ZDHHC8: variants seen among roughly 807,000 people sequenced by gnomAD.
The protein encoded by ZDHHC8 is zDHHC palmitoyltransferase 8.
ZDHHC8 carries 24 observed loss-of-function variants against 61.2 expected under a neutral mutation model. The observed-to-expected ratio is 0.39, with a 90% CI of 0.28 to 0.55. ZDHHC8 has a LOEUF of 0.55. Ranked by LOEUF, ZDHHC8 falls within the 20% of genes least tolerant of loss-of-function variation. The pLI is 0.60. For synonymous variants in ZDHHC8, 523 were observed against 492.5 expected, an observed-to-expected ratio of 1.06 and a Z score of -0.82; for missense variants, 935 against 1,102.1, an observed-to-expected ratio of 0.85 and a Z score of 2.15.
In ZDHHC8 at chr22:20,139,897, C is replaced by A; in HGVS notation, c.557+5C>A. The A allele has an allele frequency of 6.5e-7, 1 of 1,540,662 alleles. No homozygotes were observed. The highest frequency in any genetic ancestry group is 8.8e-7 in the Non-Finnish European group (1 of 1,135,632). On this transcript the variant is annotated splice_donor_5th_base_variant and intron_variant, in intron 4 of 10. Transcript: ENST00000334554. ...AGCCGCGCACACCACCATCACGTAT[C>A]CTTGGTTCCTGTGGGCCTCATTGCA...
intron 9 of ZDHHC8, among the ~76,000 whole-genome samples, chr22:20,141,788 G>C (rs767528170): frequency 1.3e-5 from 2 of 152,182 alleles, no homozygotes; most frequent in African/African-American, 4.8e-5. Flanking sequence ...AGGGGCTGGC[G>C]TGGGCCATCC....
chr22:20,139,062 G>T (rs564806946), intron 1 of ZDHHC8, 132 bp from the exon 2 acceptor site: 1 of 1,360,110 alleles, frequency 7.4e-7, no homozygotes, highest in Non-Finnish European at 9.9e-7. Context: ...TGGCAGGGCT[G>T]TGGCAGCCTC....
At chr22:20,140,742 C>T in intron 6 of ZDHHC8, 34 bp downstream of exon 6, 1 of 1,600,758 alleles carries the variant, frequency 6.2e-7, no homozygotes, top group Non-Finnish European at 8.5e-7. Flanking sequence ...GGAGGGGGGC[C>T]TCTGCTGGGT....
chr22:20,139,598 G>A lies in ZDHHC8; in HGVS notation c.347G>A (p.Arg116His), dbSNP rs1318044079. 6 of 1,613,052 alleles carry A rather than the reference G, an allele frequency of 3.7e-6. No homozygotes were observed. Among genetic ancestry groups the A allele is most frequent in the Non-Finnish European group, 3.4e-6 (4 of 1,180,016 alleles). Residue 116 changes from arginine (R) to histidine (H), a missense_variant, in exon 3 of 11, where the codon CGC becomes CAC. Physicochemically the swap from Arg to His is conservative, Grantham distance 29. This residue lies in a region of ZDHHC8 where 199 missense variants were observed against 334.0 expected (regional missense o/e 0.60). Transcript: ENST00000334554. ...ACGTGCCACTTCTACCGCCCGCCGC[G>A]CTGCTCCCACTGCAGCGTCTGTGAC... is the stretch of plus-strand genomic sequence containing the variant. ...CATCHFYRPP[R>H]CSHCSVCDNC... is the part of the protein sequence containing the mutation.
intron 1 of ZDHHC8, among the ~76,000 whole-genome samples, chr22:20,136,611 G>T (rs570562391): frequency 6.6e-6 from 1 of 152,208 alleles, no homozygotes; most frequent in Non-Finnish European, 1.5e-5. Context: ...GTGTTCACGC[G>T]TGTTCACACA....
In ZDHHC8 at chr22:20,140,119, G is replaced by T. The variant is rs1471658409; in HGVS notation, c.562G>T (p.Ala188Ser). 2 of 1,613,704 alleles carry T rather than the reference G, an allele frequency of 1.2e-6. No individual in the cohort carries two copies. Among genetic ancestry groups the T allele is most frequent in the East Asian group, 2.2e-5 (1 of 44,892 alleles). ...LGAAHTTITMAVMCVAGLFFI... is the reference protein window; with the variant it reads ...LGAAHTTITMSVMCVAGLFFI... ...CCGTTGGCCTTAACGGGCTAGCATG[G>T]CTGTCATGTGTGTGGCCGGCCTCTT... Residue 188 changes from alanine to serine, a missense_variant, in exon 5 of 11, where the codon GCT (alanine) becomes TCT (serine). Around this residue, in one of 3 missense-constraint regions of ZDHHC8, gnomAD observed 199 missense variants for 334.0 expected, o/e 0.60. Coordinates refer to ENST00000334554, the MANE Select transcript of ZDHHC8 (RefSeq NM_013373.4).
chr22:20,140,446 T>C, intron 5 of ZDHHC8, 171 bp from the exon 6 acceptor site: 1 of 821,558 alleles, frequency 1.2e-6, no homozygotes, highest in Non-Finnish European at 1.9e-6. Context: ...CACAGCTCCC[T>C]GCAAGTTCAG....
chr22:20,145,296 G>A lies in ZDHHC8; in HGVS notation c.2194G>A (p.Gly732Arg). 1 of 1,591,052 alleles carries A rather than the reference G, an allele frequency of 6.3e-7. No homozygotes were observed. Among genetic ancestry groups the A allele is most frequent in the South Asian group, 1.1e-5 (1 of 89,156 alleles). Residue 732 changes from glycine (G) to arginine (R), a missense_variant, in exon 11 of 11, where the codon GGA becomes AGA. Transcript: ENST00000334554. The stretch of plus-strand genomic sequence containing the variant: ...GCAGTCCCCGGGCCTGGCCCGGCTG[G>A]GACCTGCCACCGGCCCCCCAGGGCC... Reference protein sequence around the residue: ...NGQSPGLARLGPATGPPGPSA... With the variant: ...NGQSPGLARLRPATGPPGPSA...
At position 20,141,525 on chromosome 22, in the gene ZDHHC8, G is replaced by A. The variant is rs376208561; in HGVS notation, c.1120G>A (p.Glu374Lys). 6.2e-7 allele frequency: 1 copy of A among 1,611,028 alleles called. No individual in the cohort carries two copies. The change falls in exon 9 of 11, where the codon GAG becomes AAG. Residue 374 changes from glutamate (E) to lysine (K), a missense_variant. Glu to Lys is a moderately conservative substitution (Grantham distance 56). Transcript: ENST00000334554. ...CAAGGTGCCCTTCTGTGGACCAGGCGAGCAGGTAAGGAGGCCTAGCCTGCC... is the reference window on the plus strand; with the variant it reads ...CAAGGTGCCCTTCTGTGGACCAGGCAAGCAGGTAAGGAGGCCTAGCCTGCC... ...GPKVPFCGPGEQVPGPDSLTL... is the reference protein window; with the variant it reads ...GPKVPFCGPGKQVPGPDSLTL...
rs542698026 is a variant in ZDHHC8, at chr22:20,143,271, C to T, written c.1641C>T (p.Thr547=). 1 of 1,606,216 alleles carries T rather than the reference C, an allele frequency of 6.2e-7. No homozygotes were observed. The highest frequency in any genetic ancestry group is 1.3e-5 in the African/African-American group (1 of 75,040). Residue 547 remains threonine, a synonymous_variant, in exon 10 of 11, where the codon ACC becomes ACT. Coordinates refer to ENST00000334554, the MANE Select transcript of ZDHHC8 (RefSeq NM_013373.4). ...SPVRYDNLSR[T]IMASIQERKD... ...TGCGCTACGACAACCTGTCCAGGACCATCATGGCATCCATCCAGGAGCGCA... is the reference window on the plus strand; with the variant it reads ...TGCGCTACGACAACCTGTCCAGGACTATCATGGCATCCATCCAGGAGCGCA...
chr22:20,140,054 CTG>C, intron 4 of ZDHHC8, 59 bp from the exon 5 acceptor site: 1 of 1,600,838 alleles, frequency 6.2e-7, no homozygotes, highest in Non-Finnish European at 8.5e-7. Flanking sequence ...GGCACCTGCT[CTG>C]TGCTGCTGCG....
chr22:20,138,147 A>G (rs924449848), intron 1 of ZDHHC8, among the ~76,000 whole-genome samples: 8 of 152,242 alleles, frequency 5.3e-5, no homozygotes, highest in Non-Finnish European at 1.2e-4. Context: ...AGTGGTAGGC[A>G]GCGCGTGGGC....
At position 20,147,509 on chromosome 22, in the gene ZDHHC8, C is replaced by A; in HGVS notation, c.*2109C>A. 2.8e-6 allele frequency: 1 copy of A among 355,744 alleles called. No individual in the cohort carries two copies. Among genetic ancestry groups the A allele is most frequent in the Middle Eastern group, 7.4e-4 (1 of 1,358 alleles). The allele number at this position is 355,744 out of a possible 1,614,324, so 22.0% of individuals were successfully genotyped here. On this transcript the variant is annotated 3_prime_UTR_variant, in exon 11 of 11. Coordinates refer to ENST00000334554, the MANE Select transcript of ZDHHC8 (RefSeq NM_013373.4). ...ACCTTTGCCCAGCCTCCCTACCCAACCAAGCACTTTAGACTAAGCCACTTC... is the reference window on the plus strand; with the variant it reads ...ACCTTTGCCCAGCCTCCCTACCCAAACAAGCACTTTAGACTAAGCCACTTC...
intron 1 of ZDHHC8, among the ~76,000 whole-genome samples, chr22:20,136,221 G>C (rs1351466518): frequency 2.6e-5 from 4 of 152,352 alleles, no homozygotes; most frequent in African/African-American, 9.6e-5. Flanking sequence ...GCCTGTCTTT[G>C]CCTGGCCCTC....
At chr22:20,142,699 T>C in intron 9 of ZDHHC8, 57 bp from the exon 10 acceptor site, 2 of 1,606,210 alleles carry the variant, frequency 1.2e-6, no homozygotes, top group Non-Finnish European at 1.7e-6. Context: ...GGGTGCTGAC[T>C]GGCGGCTGCA....
intron 1 of ZDHHC8, among the ~76,000 whole-genome samples, chr22:20,132,273 C>T (rs2050382961): frequency 6.6e-6 from 1 of 152,222 alleles, no homozygotes; most frequent in Non-Finnish European, 1.5e-5. Context: ...TGTGTGGGGA[C>T]ACCAGTGCGG....
rs1182986451 is a variant in ZDHHC8 at position 20,141,448 on chromosome 22, G to T, written c.1043G>T (p.Ser348Ile). 1.2e-6 allele frequency: 2 copies of T among 1,613,312 alleles called. No homozygotes were observed. Among genetic ancestry groups the T allele is most frequent in the Admixed American group, 3.3e-5 (2 of 60,000 alleles). Residue 348 changes from serine (S) to isoleucine (I), a missense_variant, in exon 9 of 11, where the codon AGC becomes ATC. This residue lies in a region of ZDHHC8 where 692 missense variants were observed against 731.4 expected (regional missense o/e 0.95). Coordinates refer to ENST00000334554, the MANE Select transcript of ZDHHC8 (RefSeq NM_013373.4). ...AGTGCCCTGTCGGTGCAGAGGACCA[G>T]CCCCCCGACACCTGCCATGTACAAG... ...AESALSVQRT[S>I]PPTPAMYKFR...
In ZDHHC8 at chr22:20,147,171, G is replaced by C. The variant is rs970763935; in HGVS notation, c.*1771G>C. ...AGGCCGCCGGGGCACCCCCACGCGG[G>C]GCCATGTGCCGCCTGCACTTGGCTG... is the stretch of plus-strand genomic sequence containing the variant. On this transcript the variant is annotated 3_prime_UTR_variant, in exon 11 of 11. Transcript: ENST00000334554. 3.9e-6 allele frequency: 6 copies of C among 1,527,146 alleles called. No individual in the cohort carries two copies. The Admixed American group carries it at 1.3e-4, about 32-fold the overall frequency. The allele number at this position is 1,527,146 out of a possible 1,614,324, so 94.6% of individuals were successfully genotyped here.
chr22:20,144,543 C>T (rs1252035055), intron 10 of ZDHHC8, among the ~76,000 whole-genome samples: 1 of 152,238 alleles, frequency 6.6e-6, no homozygotes, highest in Non-Finnish European at 1.5e-5. Flanking sequence ...AGAGCCCAGC[C>T]CAGCCCAGCC....
Sources: gnomAD v4.1 joint callset for allele counts (sites outside exome capture counted in the v4.1 genomes callset) on GRCh38, gnomAD v4.1.1 for gene constraint, gnomAD v4.1.1 regional missense constraint, MANE v1.5 for transcripts, NCBI Gene and HGNC (gene_info 2026-07-23, HGNC 2026-07-21) for gene names.